The following FRK variants were observed in gnomAD, a reference collection of about 807,000 sequenced individuals.
FRK encodes the protein fyn related Src family tyrosine kinase.
A neutral mutation model predicts 56.4 loss-of-function variants in FRK; 51 were observed. The observed-to-expected ratio is 0.90, with a 90% CI of 0.72 to 1.14. FRK has a LOEUF of 1.14. Among genes scored for constraint, FRK ranks in the 50% most tolerant of loss-of-function variants. The probability of loss-of-function intolerance (pLI) is 0.00; values close to 1 mark genes in which losing one functional copy is unlikely to be tolerated. For missense variants in FRK, 570 were observed against 601.4 expected (o/e 0.95, Z 0.55); for synonymous variants, 245 against 217.9 (o/e 1.12, Z -1.10).
intron 1 of FRK, among the ~76,000 whole-genome samples, chr6:116,043,956 C>T (rs576781659): frequency 6.6e-6 from 1 of 152,158 alleles, no homozygotes; most frequent in Admixed American, 6.5e-5. Flanking sequence ...ACTATAAACA[C>T]CTCTACACAA....
upstream of FRK, among the ~76,000 whole-genome samples, chr6:116,061,037 T>G (rs1430118225): frequency 6.6e-6 from 1 of 152,244 alleles, no homozygotes; most frequent in African/African-American, 2.4e-5. Flanking sequence ...ATATTCCTTT[T>G]GTTTCATCCT....
rs1772240334 is a variant in FRK at position 115,942,736 on chromosome 6, G to A, written c.1307-111C>T. On this transcript the variant is annotated intron_variant, in intron 7 of 7. Coordinates refer to ENST00000606080, the MANE Select transcript of FRK (RefSeq NM_002031.3). The stretch of plus-strand genomic sequence containing the variant: ...GTTACTAAGTAAGTCAATTTCTTTG[G>A]CAAAGATTTAAGGTCTGCCATCCCC... 31 of 977,270 alleles carry A rather than the reference G, an allele frequency of 3.2e-5. No homozygotes were observed. In the South Asian group the frequency reaches 4.8e-4, roughly 15 times the overall value. The allele number at this position is 977,270 out of a possible 1,614,324, so 60.5% of individuals were successfully genotyped here. A position where few individuals can be genotyped will look rare whatever the true frequency, so the allele number is the denominator to read the frequency against.
In FRK at chr6:116,046,325, T is replaced by A. The variant is rs573661885; in HGVS notation, c.344+13643A>T. ...TAAATCATTCTACTATAAAGACACATGCACACATATGTTTATTGCAGCACT... is the reference window on the plus strand; with the variant it reads ...TAAATCATTCTACTATAAAGACACAAGCACACATATGTTTATTGCAGCACT... On this transcript the variant is annotated intron_variant, in intron 1 of 7. Transcript: ENST00000606080. 7.9e-5 allele frequency among the ~76,000 whole-genome samples: 12 copies of A among 152,314 alleles called. 1 individual carries two copies. In the East Asian group the frequency reaches 2.3e-3, roughly 29 times the overall value.
chr6:116,095,376 G>A, the FRK span, among the ~76,000 whole-genome samples: 1 of 152,206 alleles, frequency 6.6e-6, no homozygotes, highest in African/African-American at 2.4e-5. Flanking sequence ...AATCAGGAAG[G>A]AGCCATCTAT....
In FRK at chr6:115,933,710, G is replaced by A. The variant is rs966898373; in HGVS notation, c.*8704C>T. 6.6e-5 allele frequency: 10 copies of A among 152,188 alleles called. No homozygotes were observed. Among genetic ancestry groups the A allele is most frequent in the South Asian group, 2.1e-4 (1 of 4,824 alleles). The allele number at this position is 152,188 out of a possible 1,614,324, so 9.4% of individuals were successfully genotyped here. On this transcript the variant is annotated 3_prime_UTR_variant, in exon 8 of 8. Transcript: ENST00000606080. ...TATTTCTATTCATTTCTATATGTGC[G>A]CAAGAAAAATTAAACATGAAATGAA... is the stretch of plus-strand genomic sequence containing the variant.
intron 1 of FRK, among the ~76,000 whole-genome samples, chr6:116,033,842 G>A (rs1776380485): frequency 6.6e-6 from 1 of 152,158 alleles, no homozygotes; most frequent in South Asian, 2.1e-4. Flanking sequence ...TTACATCACA[G>A]AGGCCAGTTA....
intron 4 of FRK, among the ~76,000 whole-genome samples, chr6:115,959,119 C>A (rs1259897264): frequency 1.3e-5 from 2 of 152,120 alleles, no homozygotes; most frequent in African/African-American, 4.8e-5. Context: ...TTAATTTTTG[C>A]CTGTCAAAGC....
chr6:116,089,559 G>C, the FRK span, among the ~76,000 whole-genome samples: 1 of 152,194 alleles, frequency 6.6e-6, no homozygotes, highest in Non-Finnish European at 1.5e-5. Flanking sequence ...TTTCTTCTGA[G>C]GCCTGTTTTG....
chr6:116,087,956 C>T, the FRK span, among the ~76,000 whole-genome samples: 3 of 152,206 alleles, frequency 2.0e-5, no homozygotes, highest in Admixed American at 1.3e-4. Flanking sequence ...GCCATAGGAG[C>T]CCAAGTACAA....
chr6:115,984,538 AGTTCTCAGCACAT>A (rs1774319302), intron 2 of FRK, among the ~76,000 whole-genome samples: 1 of 152,076 alleles, frequency 6.6e-6, no homozygotes, highest in South Asian at 2.1e-4. Flanking sequence ...GCTCAATAAG[AGTTCTCAGCACAT>A]GTTTGATGGA....
chr6:115,973,496 C>T (rs1015017657), intron 2 of FRK, among the ~76,000 whole-genome samples: 1 of 151,946 alleles, frequency 6.6e-6, no homozygotes, highest in Admixed American at 6.6e-5. Flanking sequence ...CCATGGCACG[C>T]GTATACTTAT....
rs563370205 is a variant in FRK at position 116,060,427 on chromosome 6, C to A, written c.-116G>T. The stretch of plus-strand genomic sequence containing the variant: ...AAGTCAGCACCAACTCACCATACTT[C>A]GGAGAGTATGCAAAGTCCCGTTTCA... On this transcript the variant is annotated 5_prime_UTR_variant, in exon 1 of 8. Transcript: ENST00000606080. 2.6e-6 allele frequency: 2 copies of A among 762,458 alleles called. No homozygotes were observed. The highest frequency in any genetic ancestry group is 5.4e-5 in the Admixed American group (2 of 37,078). The allele number at this position is 762,458 out of a possible 1,614,324, so 47.2% of individuals were successfully genotyped here.
intron 1 of FRK, among the ~76,000 whole-genome samples, chr6:116,040,546 AC>A (rs1776672787): frequency 6.6e-6 from 1 of 152,100 alleles, no homozygotes; most frequent in Non-Finnish European, 1.5e-5. Flanking sequence ...AACTTTTTTC[AC>A]CCAATATTAT....
chr6:115,942,461 A>G lies in FRK; in HGVS notation c.1471T>C (p.Phe491Leu). 1.9e-6 allele frequency: 3 copies of G among 1,613,714 alleles called. No individual in the cohort carries two copies. Among genetic ancestry groups the G allele is most frequent in the Non-Finnish European group, 2.5e-6 (3 of 1,179,714 alleles). ...ETLRWKLEDY[F>L]ETDSSYSDAN... ...TCTGAATATGAAGAGTCTGTTTCAA[A>G]ATAGTCTTCAAGTTTCCAACGCAGT... is the stretch of plus-strand genomic sequence containing the variant. The change falls in exon 8 of 8, where the codon TTT becomes CTT. Residue 491 changes from phenylalanine to leucine, a missense_variant. By Grantham distance (22) the Phe-to-Leu change is conservative (BLOSUM62 0). Coordinates refer to ENST00000606080, the MANE Select transcript of FRK (RefSeq NM_002031.3).
chr6:115,963,074 C>A (rs1359056419), intron 4 of FRK, among the ~76,000 whole-genome samples: 1 of 59,398 alleles, frequency 1.7e-5, no homozygotes, highest in East Asian at 7.0e-4. Context: ...GATAGAGACA[C>A]AAAAAAACCT....
At chr6:115,995,979 A>G (rs1774824501) in intron 2 of FRK, among the ~76,000 whole-genome samples, 1 of 152,190 alleles carries the variant, frequency 6.6e-6, no homozygotes, top group Non-Finnish European at 1.5e-5. Context: ...TGGCACCAAC[A>G]TGTTTAAAAT....
intron 2 of FRK, among the ~76,000 whole-genome samples, chr6:115,972,786 T>G (rs958103045): frequency 1.3e-5 from 2 of 152,220 alleles, no homozygotes; most frequent in Non-Finnish European, 2.9e-5. Flanking sequence ...TTACATTATT[T>G]TGTTGTAATC....
chr6:116,022,045 T>A (rs1353775452), intron 1 of FRK, among the ~76,000 whole-genome samples: 1 of 151,982 alleles, frequency 6.6e-6, no homozygotes, highest in African/African-American at 2.4e-5. Context: ...TTAACAACCA[T>A]AGGACAATAA....
At chr6:115,972,594 A>C (rs1166144045) in intron 2 of FRK, among the ~76,000 whole-genome samples, 1 of 152,166 alleles carries the variant, frequency 6.6e-6, no homozygotes, top group Non-Finnish European at 1.5e-5. Context: ...TAAATTATTA[A>C]CAAGCTGAGA....
Sources: allele counts gnomAD v4.1 joint callset (sites outside exome capture counted in the v4.1 genomes callset), GRCh38; gene constraint gnomAD v4.1.1; transcripts MANE v1.5; gene names NCBI Gene and HGNC (gene_info 2026-07-23, HGNC 2026-07-21).